Variants in COX7B2 observed in about 807,000 individuals in gnomAD.
COX7B2 encodes the protein cytochrome c oxidase subunit 7B2.
For missense variants in COX7B2, 109 were observed against 95.9 expected, an observed-to-expected ratio of 1.14 and a Z score of -0.57; for synonymous variants, 37 against 32.1, an observed-to-expected ratio of 1.15 and a Z score of -0.51.
intron 2 of COX7B2, among the ~76,000 whole-genome samples, chr4:46,788,938 A>C (rs950182355): frequency 6.6e-6 from 1 of 152,148 alleles, no homozygotes; most frequent in Non-Finnish European, 1.5e-5. Flanking sequence ...ACCAGTTCTA[A>C]TAAGCACCAT....
intron 1 of COX7B2, among the ~76,000 whole-genome samples, chr4:46,851,609 A>G (rs1373908453): frequency 6.6e-6 from 1 of 152,088 alleles, no homozygotes; most frequent in Non-Finnish European, 1.5e-5. Context: ...TTCTGTTCCA[A>G]AAGATCCTAT....
intron 2 of COX7B2, among the ~76,000 whole-genome samples, chr4:46,840,842 C>G (rs1414921742): frequency 1.3e-5 from 2 of 151,930 alleles, no homozygotes; most frequent in African/African-American, 4.8e-5. Context: ...TATGCTTGTG[C>G]AGTGGGAAGT....
chr4:46,791,244 C>T (rs1236004553), intron 2 of COX7B2, among the ~76,000 whole-genome samples: 4 of 151,828 alleles, frequency 2.6e-5, no homozygotes, highest in South Asian at 4.2e-4. Context: ...CTCCTGACCT[C>T]GTGATCCTCC....
At chr4:46,773,614 G>T (rs1716998451) in intron 2 of COX7B2, among the ~76,000 whole-genome samples, 1 of 151,950 alleles carries the variant, frequency 6.6e-6, no homozygotes, top group African/African-American at 2.4e-5. Flanking sequence ...TCAATGTTGG[G>T]GAAAAATAAG....
intron 1 of COX7B2, among the ~76,000 whole-genome samples, chr4:46,874,898 C>T (rs945725073): frequency 6.6e-6 from 1 of 152,146 alleles, no homozygotes; most frequent in Non-Finnish European, 1.5e-5. Flanking sequence ...TTTAACCAAT[C>T]TGCTTTCTAC....
intron 2 of COX7B2, among the ~76,000 whole-genome samples, chr4:46,743,875 C>T: frequency 6.6e-6 from 1 of 152,098 alleles, no homozygotes; most frequent in Non-Finnish European, 1.5e-5. Context: ...TACTCATTTC[C>T]AAAGGCTTAA....
intron 2 of COX7B2, among the ~76,000 whole-genome samples, chr4:46,816,557 T>C (rs1719560460): frequency 6.6e-6 from 1 of 152,214 alleles, no homozygotes. Context: ...TTATAATTTG[T>C]CTGAAACTTG....
intron 2 of COX7B2, among the ~76,000 whole-genome samples, chr4:46,793,689 C>T (rs1191673554): frequency 6.6e-6 from 1 of 152,200 alleles, no homozygotes; most frequent in East Asian, 1.9e-4. Context: ...AGGGCTGAGA[C>T]TGCTGAAGAT....
At chr4:46,753,687 G>A (rs1173434361) in intron 2 of COX7B2, among the ~76,000 whole-genome samples, 1 of 151,888 alleles carries the variant, frequency 6.6e-6, no homozygotes, top group Non-Finnish European at 1.5e-5. Context: ...CAAAAGCAAT[G>A]GCAACAAAAA....
intron 1 of COX7B2, among the ~76,000 whole-genome samples, chr4:46,853,520 A>C (rs531248494): frequency 6.6e-6 from 1 of 152,286 alleles, no homozygotes; most frequent in South Asian, 2.1e-4. Flanking sequence ...ATATGATTAC[A>C]GCAGTTATGT....
chr4:46,876,387 A>T (rs1336843661), intron 1 of COX7B2, among the ~76,000 whole-genome samples: 1 of 151,446 alleles, frequency 6.6e-6, no homozygotes, highest in Non-Finnish European at 1.5e-5. Flanking sequence ...TTTCAAACAC[A>T]GAGTCCGTCC....
chr4:46,869,199 T>TTTTTCTG (rs1454457343), intron 1 of COX7B2, among the ~76,000 whole-genome samples: 1 of 152,190 alleles, frequency 6.6e-6, no homozygotes, highest in Non-Finnish European at 1.5e-5. Context: ...AACCCCTGAT[T>TTTTTCTG]TTTTCTGTTT....
chr4:46,856,704 C>T (rs1431296297), intron 1 of COX7B2, among the ~76,000 whole-genome samples: 1 of 152,072 alleles, frequency 6.6e-6, no homozygotes, highest in African/African-American at 2.4e-5. Flanking sequence ...AGTTGAAAGC[C>T]AAAACTACCC....
At chr4:46,881,168 T>A (rs965885151) in intron 1 of COX7B2, among the ~76,000 whole-genome samples, 1 of 152,144 alleles carries the variant, frequency 6.6e-6, no homozygotes, top group Admixed American at 6.5e-5. Context: ...GATGCACCCA[T>A]GACAGAGCCT....
At chr4:46,835,415 G>A (rs576941642) in intron 2 of COX7B2, among the ~76,000 whole-genome samples, 17 of 151,880 alleles carry the variant, frequency 1.1e-4, no homozygotes, top group Admixed American at 3.3e-4. Context: ...TAACTGTTAC[G>A]AGATACGCAA....
intron 1 of COX7B2, among the ~76,000 whole-genome samples, chr4:46,897,258 C>T (rs754808136): frequency 6.6e-6 from 1 of 152,098 alleles, no homozygotes; most frequent in Non-Finnish European, 1.5e-5. Flanking sequence ...ATAAAGGTTC[C>T]AACTCCTTTC....
At chr4:46,862,022 A>G (rs1464917290) in intron 1 of COX7B2, among the ~76,000 whole-genome samples, 1 of 151,636 alleles carries the variant, frequency 6.6e-6, no homozygotes, top group Non-Finnish European at 1.5e-5. Flanking sequence ...TTGATGGACA[A>G]CTCCCTGAAG....
Position 46,825,658 on chromosome 4 carries a change from C to A in COX7B2, c.-50+19302G>T, listed in dbSNP as rs892265271. Among the ~76,000 whole-genome samples the A allele has an allele frequency of 2.0e-5, 3 of 152,118 alleles. No individual in the cohort carries two copies. In the East Asian group the frequency reaches 5.8e-4, roughly 29 times the overall value. ...TACTTCAAGGCTACAGTAACCAAAA[C>A]AGCATGGTAATTGTACAAAAACAGG... On this transcript the variant is annotated intron_variant, in intron 2 of 2. Coordinates refer to ENST00000355591, the MANE Select transcript of COX7B2 (RefSeq NM_130902.3).
chr4:46,755,907 A>C (rs572503760), intron 2 of COX7B2, among the ~76,000 whole-genome samples: 38 of 152,212 alleles, frequency 2.5e-4, no homozygotes, highest in African/African-American at 7.7e-4. Flanking sequence ...TAAAGAGTCA[A>C]TGCAATCCTT....
Sources: allele counts gnomAD v4.1 joint callset (sites outside exome capture counted in the v4.1 genomes callset), GRCh38; gene constraint gnomAD v4.1.1; transcripts MANE v1.5; gene names NCBI Gene and HGNC (gene_info 2026-07-23, HGNC 2026-07-21).